The following TMEM117 variants were observed in gnomAD, a reference collection of about 807,000 sequenced individuals.
TMEM117 encodes the protein transmembrane protein 117.
TMEM117 carries 27 observed loss-of-function variants against 52.4 expected under a neutral mutation model. The observed-to-expected ratio is 0.51, with a 90% confidence interval of 0.38 to 0.71. The LOEUF (loss-of-function observed/expected upper bound fraction) is 0.71. TMEM117 is among the 30% of genes least tolerant of loss of function. TMEM117 has a pLI of 0.00. For synonymous variants in TMEM117, 215 were observed against 206.3 expected (o/e 1.04, Z -0.36); for missense variants, 556 against 630.5 (o/e 0.88, Z 1.26).
chr12:44,150,117 G>T (rs191897993), intron 4 of TMEM117, among the ~76,000 whole-genome samples: 1 of 152,104 alleles, frequency 6.6e-6, no homozygotes, highest in East Asian at 1.9e-4. Context: ...CTCATGTTTG[G>T]TACATTCGTA....
chr12:44,276,536 G>A (rs1950512950), intron 5 of TMEM117, among the ~76,000 whole-genome samples: 1 of 152,006 alleles, frequency 6.6e-6, no homozygotes, highest in Non-Finnish European at 1.5e-5. Context: ...GTTTCAGTTA[G>A]GCAGGAGGAA....
chr12:43,946,390 T>TCG (rs1565763329), intron 3 of TMEM117, among the ~76,000 whole-genome samples: 2 of 24,744 alleles, frequency 8.1e-5, no homozygotes, highest in Non-Finnish European at 4.5e-4. Flanking sequence ...TTTTTTTTTT[T>TCG]TTTTGTTTGT....
At chr12:44,115,410 A>G (rs1319286053) in intron 3 of TMEM117, among the ~76,000 whole-genome samples, 1 of 152,182 alleles carries the variant, frequency 6.6e-6, no homozygotes, top group Non-Finnish European at 1.5e-5. Context: ...ATACATATGT[A>G]CCAAACCTGC....
chr12:44,023,960 TA>T (rs140411826), intron 3 of TMEM117, among the ~76,000 whole-genome samples: 6,722 of 149,234 alleles, frequency 0.045, 325 homozygotes, highest in African/African-American at 0.12. Context: ...ACTTAAAGTA[TA>T]AAAAAAAAAT....
chr12:44,284,613 T>C lies in TMEM117; in HGVS notation c.609-14967T>C, dbSNP rs573522115. On this transcript the variant is annotated intron_variant, in intron 5 of 7. Transcript: ENST00000266534. Reference sequence around the variant, plus strand: ...TTTGCAATGCACAGGCCTCTTTGCTTTGTAAAGAGGAATGTACCATTATTT... The same window carrying C: ...TTTGCAATGCACAGGCCTCTTTGCTCTGTAAAGAGGAATGTACCATTATTT... Among the ~76,000 whole-genome samples, 3 of 152,290 alleles carry C rather than the reference T, an allele frequency of 2.0e-5. 1 individual carries two copies. The highest frequency in any genetic ancestry group is 7.2e-5 in the African/African-American group (3 of 41,552).
chr12:44,036,200 A>G (rs1436235944), intron 3 of TMEM117, among the ~76,000 whole-genome samples: 3 of 152,228 alleles, frequency 2.0e-5, no homozygotes, highest in Non-Finnish European at 4.4e-5. Flanking sequence ...TTTAACAATG[A>G]TATATGCATT....
At chr12:44,381,949 C>A (rs1419517773) in intron 7 of TMEM117, among the ~76,000 whole-genome samples, 3 of 152,118 alleles carry the variant, frequency 2.0e-5, no homozygotes, top group African/African-American at 7.2e-5. Flanking sequence ...GTGTTGCATC[C>A]TGTATACAAA....
chr12:43,803,457 G>A, the TMEM117 span, among the ~76,000 whole-genome samples: 1 of 151,988 alleles, frequency 6.6e-6, no homozygotes, highest in African/African-American at 2.4e-5. Flanking sequence ...TTAATAAAGG[G>A]GAGATATAGG....
At chr12:44,077,756 T>C (rs192436871) in intron 3 of TMEM117, among the ~76,000 whole-genome samples, 3 of 152,060 alleles carry the variant, frequency 2.0e-5, no homozygotes, top group Admixed American at 2.0e-4. Flanking sequence ...AGATGCAAAA[T>C]GTTACTGCTT....
chr12:44,374,976 G>A (rs964186146), intron 6 of TMEM117, among the ~76,000 whole-genome samples: 6 of 151,950 alleles, frequency 3.9e-5, no homozygotes, highest in African/African-American at 1.5e-4. Flanking sequence ...TTTTTCATGA[G>A]TTATATTTTA....
the TMEM117 span, chr12:43,806,331 C>A: frequency 5.3e-5 from 69 of 1,290,476 alleles, no homozygotes; most frequent in Non-Finnish European, 3.9e-6. Context: ...GCTCCTCCGC[C>A]GGCCCCGGCG....
chr12:44,284,228 C>T (rs144426724), intron 5 of TMEM117, among the ~76,000 whole-genome samples: 1 of 152,104 alleles, frequency 6.6e-6, no homozygotes, highest in Non-Finnish European at 1.5e-5. Context: ...AGGAGACTTG[C>T]TTGAACCCGA....
chr12:44,201,133 T>G (rs1376198145), intron 4 of TMEM117, among the ~76,000 whole-genome samples: 1 of 152,110 alleles, frequency 6.6e-6, no homozygotes, highest in Non-Finnish European at 1.5e-5. Flanking sequence ...TTCAAAGCAA[T>G]GAGGTTTCAA....
At position 43,942,884 on chromosome 12, in the gene TMEM117, G is replaced by A. The variant is rs185104484; in HGVS notation, c.278-1326G>A. On this transcript the variant is annotated intron_variant, in intron 2 of 7. Coordinates refer to ENST00000266534, the MANE Select transcript of TMEM117 (RefSeq NM_032256.3). ...ATTAAAAAAGGGAATATTTTCTAACGTAAGAAATTTTAGGATGGGCGTGGT... is the reference window on the plus strand; with the variant it reads ...ATTAAAAAAGGGAATATTTTCTAACATAAGAAATTTTAGGATGGGCGTGGT... 1.2e-3 allele frequency among the ~76,000 whole-genome samples: 180 copies of A among 152,066 alleles called. 1 individual carries two copies. Among genetic ancestry groups the A allele is most frequent in the African/African-American group, 3.7e-3 (154 of 41,474 alleles).
At chr12:44,027,438 T>C (rs1387840654) in intron 3 of TMEM117, among the ~76,000 whole-genome samples, 1 of 152,110 alleles carries the variant, frequency 6.6e-6, no homozygotes, top group East Asian at 1.9e-4. Context: ...CCTCCCAAAA[T>C]GCTGGGATTA....
chr12:44,100,926 C>T (rs745409518), intron 3 of TMEM117, among the ~76,000 whole-genome samples: 7 of 151,912 alleles, frequency 4.6e-5, no homozygotes, highest in Non-Finnish European at 7.4e-5. Flanking sequence ...ATATGACACA[C>T]TGGGTGGATT....
intron 3 of TMEM117, among the ~76,000 whole-genome samples, chr12:44,042,156 C>A (rs1270528190): frequency 6.6e-6 from 1 of 152,178 alleles, no homozygotes; most frequent in Non-Finnish European, 1.5e-5. Flanking sequence ...TTTCAAGATA[C>A]AAGATCAGTG....
chr12:43,934,518 A>G (rs1322388473), intron 2 of TMEM117, among the ~76,000 whole-genome samples: 4 of 152,214 alleles, frequency 2.6e-5, no homozygotes, highest in African/African-American at 9.6e-5. Flanking sequence ...TGAAATTGAC[A>G]TTAACTTTAG....
rs148231626 is a variant in TMEM117, at chr12:43,888,315, T to C, written c.277+43387T>C. 9.2e-5 allele frequency among the ~76,000 whole-genome samples: 14 copies of C among 152,326 alleles called. 1 individual carries two copies. The East Asian group carries it at 2.7e-3, about 29-fold the overall frequency. On this transcript the variant is annotated intron_variant, in intron 2 of 7. Coordinates refer to ENST00000266534, the MANE Select transcript of TMEM117 (RefSeq NM_032256.3). ...TTACTATTCTGTATGTGATTCTATG[T>C]AGTATGAATAATCCTTTCCCATATC...
Sources: gnomAD v4.1 joint callset for allele counts (sites outside exome capture counted in the v4.1 genomes callset) on GRCh38, gnomAD v4.1.1 for gene constraint, MANE v1.5 for transcripts, NCBI Gene and HGNC (gene_info 2026-07-23, HGNC 2026-07-21) for gene names.